The following RIPPLY3 variants were observed in gnomAD, a reference collection of about 807,000 sequenced individuals.
RIPPLY3 encodes protein ripply3.
RIPPLY3 carries 8 observed loss-of-function variants against 11.9 expected under a neutral mutation model. The observed-to-expected ratio is 0.67, with a 90% CI of 0.40 to 1.21. The LOEUF is 1.21. Among genes scored for constraint, RIPPLY3 ranks in the 50% most tolerant of loss-of-function variants. The probability of loss-of-function intolerance (pLI) is 0.01; values close to 1 mark genes in which losing one functional copy is unlikely to be tolerated. For missense variants in RIPPLY3, 271 were observed against 246.0 expected (o/e 1.10, Z -0.68); for synonymous variants, 102 against 99.0 (o/e 1.03, Z -0.18).
Position 37,013,633 on chromosome 21 carries a change from C to T in RIPPLY3, c.239+15C>T. On this transcript the variant is annotated intron_variant, in intron 3 of 3. Coordinates refer to ENST00000329553, the MANE Select transcript of RIPPLY3 (RefSeq NM_018962.3). ...CATCCTGTAAGGTAATATACGACTTCACAATAAGTAATCTGTAATTTCCTT... is the reference window on the plus strand; with the variant it reads ...CATCCTGTAAGGTAATATACGACTTTACAATAAGTAATCTGTAATTTCCTT... 2 of 1,597,470 alleles carry T rather than the reference C, an allele frequency of 1.3e-6. No individual in the cohort carries two copies. The highest frequency in any genetic ancestry group is 1.7e-6 in the Non-Finnish European group (2 of 1,165,844).
At chr21:37,009,832 C>G (rs939159917) in intron 2 of RIPPLY3, among the ~76,000 whole-genome samples, 55 of 152,328 alleles carry the variant, frequency 3.6e-4, no homozygotes, top group African/African-American at 1.1e-3. Context: ...GTAGTTCTGT[C>G]CACGGATGTG....
chr21:37,014,671 A>G (rs2069560346), intron 3 of RIPPLY3, among the ~76,000 whole-genome samples: 1 of 152,242 alleles, frequency 6.6e-6, no homozygotes, highest in South Asian at 2.1e-4. Context: ...ATGTGTAGGC[A>G]TAAAGCTCAG....
chr21:37,013,544 G>A lies in RIPPLY3; in HGVS notation c.172-7G>A, dbSNP rs1417467513. On this transcript the variant is annotated splice_region_variant and splice_polypyrimidine_tract_variant and intron_variant, in intron 2 of 3. Coordinates refer to ENST00000329553, the MANE Select transcript of RIPPLY3 (RefSeq NM_018962.3). ...GTCTCTGTGTTTGTATGTGTCTGTC[G>A]TTACAGCTTGAACCTAGGGCTGACC... The A allele has an allele frequency of 4.3e-6, 7 of 1,612,674 alleles. No homozygotes were observed. Among genetic ancestry groups the A allele is most frequent in the Admixed American group, 3.3e-5 (2 of 59,958 alleles).
At chr21:37,009,693 C>G (rs1270930938) in intron 2 of RIPPLY3, among the ~76,000 whole-genome samples, 2 of 152,208 alleles carry the variant, frequency 1.3e-5, no homozygotes, top group Non-Finnish European at 2.9e-5. Context: ...AGCACGCTCC[C>G]TAAGTAAGAC....
intron 3 of RIPPLY3, among the ~76,000 whole-genome samples, chr21:37,016,757 G>A (rs986910192): frequency 1.3e-5 from 2 of 152,160 alleles, no homozygotes; most frequent in Non-Finnish European, 2.9e-5. Context: ...CTTGAGCCCA[G>A]GATTTCAAGG....
In RIPPLY3 at chr21:37,013,891, T is replaced by G. The variant is rs1055326474; in HGVS notation, c.239+273T>G. On this transcript the variant is annotated intron_variant, in intron 3 of 3. Coordinates refer to ENST00000329553, the MANE Select transcript of RIPPLY3 (RefSeq NM_018962.3). ...TCTACTTCTCATTACAAATTGTGCC[T>G]TGTATTATATTTATATAATTGCATG... is the stretch of plus-strand genomic sequence containing the variant. 3.3e-5 allele frequency among the ~76,000 whole-genome samples: 5 copies of G among 152,350 alleles called. No individual in the cohort carries two copies. In the South Asian group the frequency reaches 1.0e-3, roughly 32 times the overall value.
chr21:37,010,245 A>G (rs1433674496), intron 2 of RIPPLY3, among the ~76,000 whole-genome samples: 3 of 152,120 alleles, frequency 2.0e-5, no homozygotes, highest in Non-Finnish European at 4.4e-5. Flanking sequence ...TAATCTCAGC[A>G]CTTTGGGAGG....
chr21:37,013,514 G>C (rs370311483), intron 2 of RIPPLY3, 37 bp from the exon 3 acceptor site: 15 of 1,587,824 alleles, frequency 9.4e-6, no homozygotes, highest in Admixed American at 5.0e-5. Flanking sequence ...CGACACTCCT[G>C]CACTGTCTCT....
chr21:37,007,684 C>T (rs2069479829), intron 1 of RIPPLY3, among the ~76,000 whole-genome samples: 1 of 152,136 alleles, frequency 6.6e-6, no homozygotes, highest in African/African-American at 2.4e-5. Flanking sequence ...GCTGGGATTA[C>T]AGGTGTGAGC....
chr21:37,018,226 G>GGCCCT lies in RIPPLY3; in HGVS notation c.*22_*26dup. The GGCCCT allele has an allele frequency of 6.3e-7, 1 of 1,597,054 alleles. No homozygotes were observed. The highest frequency in any genetic ancestry group is 8.6e-7 in the Non-Finnish European group (1 of 1,165,296). ...CAAATGAATCAGTCTCTGTCTCCTG[G>GGCCCT]GCCCTGCTCTGGGACCTGCCCCTCA... On this transcript the variant is annotated 3_prime_UTR_variant, in exon 4 of 4. Coordinates refer to ENST00000329553, the MANE Select transcript of RIPPLY3 (RefSeq NM_018962.3).
intron 3 of RIPPLY3, among the ~76,000 whole-genome samples, chr21:37,017,638 T>G (rs2069591788): frequency 6.6e-6 from 1 of 152,216 alleles, no homozygotes; most frequent in African/African-American, 2.4e-5. Context: ...CTGTCTGAAT[T>G]GACTGGCTCA....
chr21:37,015,646 T>C (rs974156252), intron 3 of RIPPLY3, among the ~76,000 whole-genome samples: 2 of 152,190 alleles, frequency 1.3e-5, no homozygotes, highest in East Asian at 3.8e-4. Context: ...GCCTCAATAG[T>C]TATCAATGTT....
At chr21:37,007,102 G>T (rs1215568646) in intron 1 of RIPPLY3, among the ~76,000 whole-genome samples, 1 of 152,274 alleles carries the variant, frequency 6.6e-6, no homozygotes, top group African/African-American at 2.4e-5. Flanking sequence ...CGGAGGCCCA[G>T]GATGTAGCTG....
chr21:37,007,411 T>C (rs1215423095), intron 1 of RIPPLY3, among the ~76,000 whole-genome samples: 1 of 135,552 alleles, frequency 7.4e-6, no homozygotes, highest in East Asian at 2.1e-4. Context: ...TTTTTTTTTT[T>C]TTTTTTTTTT....
In RIPPLY3 at chr21:37,018,042, G is replaced by A. The variant is rs751913710; in HGVS notation, c.408G>A (p.Leu136=). 2.5e-6 allele frequency: 4 copies of A among 1,614,056 alleles called. No individual in the cohort carries two copies. The highest frequency in any genetic ancestry group is 1.7e-5 in the Admixed American group (1 of 59,984). The stretch of plus-strand genomic sequence containing the variant: ...AAGGACCCCCACCCCTCCATCTTCT[G>A]CCCCAGGAGGTGGGAGGTCGGCAGG... The part of the protein sequence containing the change: ...PEEGPPPLHL[L]PQEVGGRQEN... The change falls in exon 4 of 4, where the codon CTG becomes CTA. Residue 136 remains leucine (L), a synonymous_variant. Transcript: ENST00000329553.
intron 2 of RIPPLY3, among the ~76,000 whole-genome samples, chr21:37,008,545 G>A (rs556745170): frequency 5.9e-5 from 9 of 152,190 alleles, no homozygotes; most frequent in African/African-American, 2.2e-4. Context: ...ATCACCTGAA[G>A]TCAGGAGTTC....
At position 37,017,884 on chromosome 21, in the gene RIPPLY3, C is replaced by T; in HGVS notation, c.250C>T (p.Pro84Ser). 1.9e-6 allele frequency: 3 copies of T among 1,611,250 alleles called. No individual in the cohort carries two copies. Among genetic ancestry groups the T allele is most frequent in the Non-Finnish European group, 1.7e-6 (2 of 1,178,424 alleles). ...TTTCTTAAATATTAGAGTCTATTTA[C>T]CCATGTCAAAGCGTCAAGAATACCT... ...GFQHPVRVYL[P>S]MSKRQEYLRS... is the part of the protein sequence containing the mutation. The change falls in exon 4 of 4, where the codon CCC (proline) becomes TCC (serine). Residue 84 changes from proline to serine, a missense_variant. Physicochemically the swap from Pro to Ser is moderately conservative, Grantham distance 74. Coordinates refer to ENST00000329553, the MANE Select transcript of RIPPLY3 (RefSeq NM_018962.3).
intron 2 of RIPPLY3, among the ~76,000 whole-genome samples, chr21:37,012,174 G>T (rs2069529669): frequency 1.3e-5 from 2 of 150,268 alleles, no homozygotes; most frequent in Admixed American, 6.7e-5. Flanking sequence ...AAGATTTGGG[G>T]TTTCTGATGC....
intron 2 of RIPPLY3, among the ~76,000 whole-genome samples, chr21:37,008,767 A>AC (rs200853909): frequency 1.3e-4 from 15 of 119,840 alleles, no homozygotes; most frequent in African/African-American, 2.0e-4. Context: ...AAAAAAAAAA[A>AC]AAAAAAAAAA....
Sources: allele counts gnomAD v4.1 joint callset (sites outside exome capture counted in the v4.1 genomes callset), GRCh38; gene constraint gnomAD v4.1.1; transcripts MANE v1.5; gene names NCBI Gene and HGNC (gene_info 2026-07-23, HGNC 2026-07-21).